Variants in CTNNA3 observed in about 807,000 individuals in gnomAD.
CTNNA3 encodes the protein catenin alpha 3, also known as catenin alpha-3.
CTNNA3 carries 76 observed loss-of-function variants against 95.7 expected under a neutral mutation model. The observed-to-expected ratio is 0.79, with a 90% CI of 0.66 to 0.96. The LOEUF (loss-of-function observed/expected upper bound fraction) is 0.96, where lower values mean the gene tolerates loss of function less well. Among genes scored for constraint, CTNNA3 ranks in the 40% least tolerant of loss-of-function variants. CTNNA3 has a pLI of 0.00. For synonymous variants in CTNNA3, 431 were observed against 374.4 expected, an observed-to-expected ratio of 1.15 and a Z score of -1.74; for missense variants, 1,191 against 1,089.8, an observed-to-expected ratio of 1.09 and a Z score of -1.31.
At chr10:66,082,917 C>A (rs1013736851) in intron 14 of CTNNA3, among the ~76,000 whole-genome samples, 1 of 151,336 alleles carries the variant, frequency 6.6e-6, no homozygotes, top group African/African-American at 2.4e-5. Context: ...ATTTTCTAAG[C>A]ACACTTTTTA....
At chr10:67,227,949 T>C (rs767630572) in intron 5 of CTNNA3, among the ~76,000 whole-genome samples, 6 of 152,138 alleles carry the variant, frequency 3.9e-5, no homozygotes, top group Non-Finnish European at 7.3e-5. Flanking sequence ...TGAATTAGCA[T>C]TGGGTCAAAA....
At chr10:67,538,584 A>G (rs935127172) in intron 4 of CTNNA3, among the ~76,000 whole-genome samples, 1 of 151,956 alleles carries the variant, frequency 6.6e-6, no homozygotes, top group Non-Finnish European at 1.5e-5. Context: ...CATCTCAAAA[A>G]AAAAAAGAAA....
intron 7 of CTNNA3, among the ~76,000 whole-genome samples, chr10:66,779,441 A>T (rs1589246212): frequency 5.9e-5 from 9 of 151,614 alleles, no homozygotes; most frequent in Admixed American, 5.9e-4. Context: ...ACTGCAACCT[A>T]TGCCTCCTGG....
At chr10:67,052,313 A>ACTCTCTCTCT (rs3841706) in intron 7 of CTNNA3, among the ~76,000 whole-genome samples, 1,264 of 121,026 alleles carry the variant, frequency 0.01, 39 homozygotes, top group East Asian at 0.078. Flanking sequence ...CCCACTCATC[A>ACTCTCTCTCT]CTCTCTCTCT....
At chr10:67,484,385 C>A (rs1255186110) in intron 5 of CTNNA3, among the ~76,000 whole-genome samples, 2 of 152,052 alleles carry the variant, frequency 1.3e-5, no homozygotes, top group Admixed American at 6.6e-5. Flanking sequence ...AAACACCATT[C>A]TGGACATTGA....
chr10:66,493,799 G>T lies in CTNNA3; in HGVS notation c.1531+26818C>A, dbSNP rs1169602980. Among the ~76,000 whole-genome samples the T allele has an allele frequency of 2.7e-5, 4 of 150,278 alleles. No homozygotes were observed. The South Asian group carries it at 8.4e-4, about 32-fold the overall frequency. The stretch of plus-strand genomic sequence containing the variant: ...TTTTTGTCTTCTTAGTAGAGACGGG[G>T]TTTCACCGTGTTAGCCAGGATGGTC... On this transcript the variant is annotated intron_variant, in intron 11 of 17. Coordinates refer to ENST00000433211, the MANE Select transcript of CTNNA3 (RefSeq NM_013266.4).
intron 17 of CTNNA3, among the ~76,000 whole-genome samples, chr10:65,946,213 T>A (rs1222983126): frequency 6.6e-6 from 1 of 152,122 alleles, no homozygotes; most frequent in Non-Finnish European, 1.5e-5. Flanking sequence ...TTTTAAATAT[T>A]TAGAACAGTG....
intron 5 of CTNNA3, among the ~76,000 whole-genome samples, chr10:67,424,154 G>A (rs941010676): frequency 2.0e-5 from 3 of 152,106 alleles, no homozygotes; most frequent in African/African-American, 7.2e-5. Flanking sequence ...TGCGACTGAT[G>A]AGGATGTTTA....
At chr10:67,024,755 C>A (rs1853246788) in intron 7 of CTNNA3, among the ~76,000 whole-genome samples, 2 of 152,120 alleles carry the variant, frequency 1.3e-5, no homozygotes, top group Non-Finnish European at 2.9e-5. Context: ...ACTAAACATT[C>A]TTTGGCATGT....
chr10:67,559,279 C>T (rs1392107384), intron 3 of CTNNA3, among the ~76,000 whole-genome samples: 1 of 152,196 alleles, frequency 6.6e-6, no homozygotes, highest in Non-Finnish European at 1.5e-5. Context: ...CTGGGTACCC[C>T]TCTGAGACAA....
intron 6 of CTNNA3, among the ~76,000 whole-genome samples, chr10:67,211,334 A>G (rs980765382): frequency 1.3e-4 from 20 of 152,084 alleles, no homozygotes; most frequent in Non-Finnish European, 2.5e-4. Flanking sequence ...TCGGGTCCAT[A>G]TAACAGCAAA....
intron 13 of CTNNA3, among the ~76,000 whole-genome samples, chr10:66,199,744 G>T (rs2087203037): frequency 8.3e-6 from 1 of 120,878 alleles, no homozygotes; most frequent in South Asian, 2.5e-4. Context: ...TGGGATTACA[G>T]GCGTGTGCCA....
At chr10:66,084,654 T>G (rs1418611480) in intron 14 of CTNNA3, among the ~76,000 whole-genome samples, 1 of 152,140 alleles carries the variant, frequency 6.6e-6, no homozygotes, top group Non-Finnish European at 1.5e-5. Context: ...CACACTGAAT[T>G]TTTCTATTTT....
chr10:66,566,834 A>G (rs1247571568), intron 10 of CTNNA3, among the ~76,000 whole-genome samples: 1 of 151,828 alleles, frequency 6.6e-6, no homozygotes, highest in Non-Finnish European at 1.5e-5. Flanking sequence ...ATATTAGCAA[A>G]TAACTTTAAG....
At chr10:67,519,960 C>G (rs968164737) in intron 5 of CTNNA3, among the ~76,000 whole-genome samples, 2 of 152,060 alleles carry the variant, frequency 1.3e-5, no homozygotes, top group East Asian at 1.9e-4. Context: ...TTGACCCTGC[C>G]CATCAAGAAG....
intron 7 of CTNNA3, among the ~76,000 whole-genome samples, chr10:67,144,809 T>C (rs1860762176): frequency 6.6e-6 from 1 of 152,228 alleles, no homozygotes; most frequent in Non-Finnish European, 1.5e-5. Context: ...TTCACTGGAA[T>C]AGCACTTTTA....
At chr10:66,419,604 A>G (rs1265646089) in intron 11 of CTNNA3, among the ~76,000 whole-genome samples, 1 of 152,220 alleles carries the variant, frequency 6.6e-6, no homozygotes, top group Non-Finnish European at 1.5e-5. Context: ...CAAAAATAAT[A>G]AAGCTGGAGG....
intron 9 of CTNNA3, among the ~76,000 whole-genome samples, chr10:66,634,572 G>GGT (rs59187647): frequency 0.14 from 20,188 of 145,900 alleles, 1,457 homozygotes; most frequent in African/African-American, 0.17. Flanking sequence ...CTCTGTGCAT[G>GGT]GTGTGTGTGT....
chr10:67,465,073 G>T (rs1000501982), intron 5 of CTNNA3, among the ~76,000 whole-genome samples: 1 of 147,352 alleles, frequency 6.8e-6, no homozygotes, highest in South Asian at 2.5e-4. Context: ...AAGTGCCATG[G>T]AAGCATTTTA....
Sources: allele counts gnomAD v4.1 joint callset (sites outside exome capture counted in the v4.1 genomes callset), GRCh38; gene constraint gnomAD v4.1.1; transcripts MANE v1.5; gene names NCBI Gene and HGNC (gene_info 2026-07-23, HGNC 2026-07-21).